The following EFCAB7 variants were observed in gnomAD, a reference collection of about 807,000 sequenced individuals.
EFCAB7 encodes the protein EF-hand calcium binding domain 7.
EFCAB7 carries 66 observed loss-of-function variants against 77.1 expected under a neutral mutation model. That is an observed-to-expected ratio of 0.86 (90% CI 0.70 to 1.05). EFCAB7 has a LOEUF of 1.05. Among genes scored for constraint, EFCAB7 ranks in the 50% least tolerant of loss-of-function variants. The pLI is 0.00. For synonymous variants in EFCAB7, 225 were observed against 243.3 expected, an observed-to-expected ratio of 0.92 and a Z score of 0.70; for missense variants, 638 against 730.5, an observed-to-expected ratio of 0.87 and a Z score of 1.46.
chr1:63,529,187 CTG>C (rs1181279132), intron 2 of EFCAB7: 1 of 152,150 alleles, frequency 6.6e-6, no homozygotes, highest in African/African-American at 2.4e-5. Flanking sequence ...CAAAATAAAA[CTG>C]TGGGAATAAA....
At chr1:63,526,390 C>A (rs891138595) in intron 2 of EFCAB7, among the ~76,000 whole-genome samples, 1 of 152,126 alleles carries the variant, frequency 6.6e-6, no homozygotes, top group Non-Finnish European at 1.5e-5. Context: ...ATAACACTGA[C>A]TACTCATGTC....
At chr1:63,524,409 T>G (rs1302076391) in intron 1 of EFCAB7, among the ~76,000 whole-genome samples, 1 of 152,240 alleles carries the variant, frequency 6.6e-6, no homozygotes, top group Non-Finnish European at 1.5e-5. Flanking sequence ...GCAGGCGGCC[T>G]GCGTATTATA....
chr1:63,546,146 G>A, intron 7 of EFCAB7, 89 bp downstream of exon 7: 1 of 1,383,352 alleles, frequency 7.2e-7, no homozygotes, highest in South Asian at 1.4e-5. Context: ...TCCTAGTTAG[G>A]GAAGAAAATA....
the EFCAB7 span, among the ~76,000 whole-genome samples, chr1:63,580,102 T>C: frequency 6.6e-6 from 1 of 152,210 alleles, no homozygotes; most frequent in Non-Finnish European, 1.5e-5. Context: ...TTTCATTTAA[T>C]GGATTATGCA....
Position 63,525,638 on chromosome 1 carries a change from TCGA to T in EFCAB7, c.67_69del (p.Arg23del). On this transcript the variant is annotated inframe_deletion, in exon 2 of 14. Coordinates refer to ENST00000371088, the MANE Select transcript of EFCAB7 (RefSeq NM_032437.4). Reference sequence around the variant, plus strand: ...AGAAATCAACACCTTCAGAGAGTCCTCGAACAAAGAAATTTCCACTAACTGAAG... The same window carrying T: ...AGAAATCAACACCTTCAGAGAGTCCTACAAAGAAATTTCCACTAACTGAAG... 6.2e-6 allele frequency: 10 copies of T among 1,603,552 alleles called. No homozygotes were observed. The highest frequency in any genetic ancestry group is 8.5e-6 in the Non-Finnish European group (10 of 1,177,830).
At chr1:63,585,233 T>C in the EFCAB7 span, among the ~76,000 whole-genome samples, 2 of 152,054 alleles carry the variant, frequency 1.3e-5, no homozygotes, top group South Asian at 4.1e-4. Flanking sequence ...GTTTTGGTAG[T>C]TTGTAGTTTT....
intron 11 of EFCAB7, among the ~76,000 whole-genome samples, chr1:63,567,351 G>T (rs1002228957): frequency 6.6e-6 from 1 of 152,010 alleles, no homozygotes; most frequent in Non-Finnish European, 1.5e-5. Flanking sequence ...TACTTGGGAG[G>T]CTGAGGCAGG....
chr1:63,580,466 T>C, the EFCAB7 span, among the ~76,000 whole-genome samples: 3 of 152,226 alleles, frequency 2.0e-5, no homozygotes, highest in Admixed American at 2.0e-4. Flanking sequence ...TACATTGTCC[T>C]GATTACAGTA....
chr1:63,557,500 C>T (rs918419725), intron 10 of EFCAB7, among the ~76,000 whole-genome samples: 5 of 152,220 alleles, frequency 3.3e-5, no homozygotes, highest in Middle Eastern at 6.8e-3. Flanking sequence ...CTCTACTCTT[C>T]GGGGTTTAGA....
intron 11 of EFCAB7, among the ~76,000 whole-genome samples, chr1:63,564,744 G>A (rs548350215): frequency 4.6e-5 from 7 of 151,930 alleles, no homozygotes; most frequent in East Asian, 1.9e-4. Context: ...AAAAGAGCCC[G>A]AATAGCCAAG....
intron 6 of EFCAB7, among the ~76,000 whole-genome samples, chr1:63,541,169 C>A (rs906980237): frequency 6.6e-6 from 1 of 152,050 alleles, no homozygotes; most frequent in Non-Finnish European, 1.5e-5. Context: ...TACTACAATA[C>A]CATTTTTACT....
chr1:63,531,471 T>A (rs982822232), intron 2 of EFCAB7, among the ~76,000 whole-genome samples: 1 of 152,164 alleles, frequency 6.6e-6, no homozygotes, highest in Non-Finnish European at 1.5e-5. Context: ...AAGTGGATGG[T>A]TGTTTTTAAT....
chr1:63,561,514 A>G (rs1325565465), intron 10 of EFCAB7, among the ~76,000 whole-genome samples, 195 bp from the exon 11 acceptor site: 1 of 152,220 alleles, frequency 6.6e-6, no homozygotes, highest in Non-Finnish European at 1.5e-5. Flanking sequence ...CGATATATCT[A>G]TGCTGAGTTA....
chr1:63,551,605 T>C (rs142775848), intron 7 of EFCAB7, 120 bp from the exon 8 acceptor site: 56 of 435,476 alleles, frequency 1.3e-4, no homozygotes, highest in African/African-American at 1.0e-3. Flanking sequence ...AAAAAAAACA[T>C]GGAATATGTA....
chr1:63,558,849 G>A (rs910303666), intron 10 of EFCAB7, among the ~76,000 whole-genome samples: 4 of 151,598 alleles, frequency 2.6e-5, no homozygotes, highest in African/African-American at 9.7e-5. Context: ...TGCAAGCACT[G>A]CCTCCTAATA....
intron 6 of EFCAB7, chr1:63,534,450 T>G (rs1023455080): frequency 3.2e-6 from 1 of 317,166 alleles, no homozygotes; most frequent in African/African-American, 2.1e-5. Flanking sequence ...ACCTGATGAG[T>G]AGATTATCAA....
chr1:63,580,215 G>A, the EFCAB7 span, among the ~76,000 whole-genome samples: 2 of 152,138 alleles, frequency 1.3e-5, no homozygotes, highest in Admixed American at 1.3e-4. Flanking sequence ...ATTTATATGT[G>A]TGATGCATTT....
chr1:63,574,400 C>T (rs1223284896), downstream of EFCAB7, among the ~76,000 whole-genome samples: 1 of 152,152 alleles, frequency 6.6e-6, no homozygotes, highest in Non-Finnish European at 1.5e-5. Context: ...CCAAGAACCA[C>T]TTGCCTTGTG....
At position 63,533,436 on chromosome 1, in the gene EFCAB7, A is replaced by G. The variant is rs1270238575; in HGVS notation, c.487-18A>G. ...TATGATTGAATGTTTTACCCACTGG[A>G]CTTTTTTTTTCCTGTAGTTTTGTAA... On this transcript the variant is annotated intron_variant, in intron 4 of 13. Coordinates refer to ENST00000371088, the MANE Select transcript of EFCAB7 (RefSeq NM_032437.4). The G allele has an allele frequency of 6.3e-7, 1 of 1,585,426 alleles. No individual in the cohort carries two copies. The highest frequency in any genetic ancestry group is 1.4e-5 in the African/African-American group (1 of 73,094).
Sources: allele counts gnomAD v4.1 joint callset (sites outside exome capture counted in the v4.1 genomes callset), GRCh38; gene constraint gnomAD v4.1.1; transcripts MANE v1.5; gene names NCBI Gene and HGNC (gene_info 2026-07-23, HGNC 2026-07-21).